ATP1B1: variants seen among roughly 807,000 people sequenced by gnomAD.
ATP1B1 encodes the protein sodium/potassium-transporting ATPase subunit beta-1.
In ATP1B1, 3 loss-of-function variants were observed where a neutral mutation model predicts 39.6. That is an observed-to-expected ratio of 0.08 (90% CI 0.03 to 0.20). ATP1B1 has a LOEUF of 0.20. Among genes scored for constraint, ATP1B1 ranks in the 10% least tolerant of loss-of-function variants. The pLI is 1.00. For missense variants in ATP1B1, 216 were observed against 371.1 expected, an observed-to-expected ratio of 0.58 and a Z score of 3.43; for synonymous variants, 139 against 135.0, an observed-to-expected ratio of 1.03 and a Z score of -0.20.
chr1:169,107,976 C>A (rs1415215067), intron 1 of ATP1B1: 2 of 151,782 alleles, frequency 1.3e-5, no homozygotes, highest in Non-Finnish European at 2.9e-5. Context: ...GAACAGAGGC[C>A]GATTGGTGTT....
intron 2 of ATP1B1, among the ~76,000 whole-genome samples, chr1:169,123,242 G>A (rs1658018568): frequency 1.3e-5 from 2 of 152,158 alleles, no homozygotes; most frequent in Non-Finnish European, 2.9e-5. Context: ...GCAGTTGTAA[G>A]CCAAGGGTGT....
chr1:169,121,701 CACTT>C (rs1176589258), intron 2 of ATP1B1, among the ~76,000 whole-genome samples: 2 of 152,178 alleles, frequency 1.3e-5, no homozygotes, highest in Non-Finnish European at 2.9e-5. Context: ...ATGTTTGTGA[CACTT>C]GCTTCGCAAT....
chr1:169,132,688 T>G lies in ATP1B1; in HGVS notation c.*1133T>G. On this transcript the variant is annotated 3_prime_UTR_variant, in exon 6 of 6. Coordinates refer to ENST00000367815, the MANE Select transcript of ATP1B1 (RefSeq NM_001677.4). ...CTTGTTGATCTTGTATTCAGTCAGG[T>G]TAAAACAACGGACAATAAAAGAATG... The G allele has an allele frequency of 8.4e-7, 1 of 1,189,598 alleles. No individual in the cohort carries two copies. Among genetic ancestry groups the G allele is most frequent in the Admixed American group, 1.9e-5 (1 of 52,636 alleles). The allele number at this position is 1,189,598 out of a possible 1,614,324, so 73.7% of individuals were successfully genotyped here.
intron 2 of ATP1B1, among the ~76,000 whole-genome samples, chr1:169,115,371 G>A (rs1414096063): frequency 6.8e-6 from 1 of 147,748 alleles, no homozygotes; most frequent in Non-Finnish European, 1.5e-5. Flanking sequence ...TTTTTCAAGA[G>A]GGAGTCTTCT....
In ATP1B1 at chr1:169,127,174, C is replaced by G. The variant is rs750793957; in HGVS notation, c.383-50C>G. 12 of 1,513,458 alleles carry G rather than the reference C, an allele frequency of 7.9e-6. No individual in the cohort carries two copies. The Admixed American group carries it at 2.7e-4, about 34-fold the overall frequency. The allele number at this position is 1,513,458 out of a possible 1,614,324, so 93.8% of individuals were successfully genotyped here. ...GGAAGACAGTTTCTTTTTCTTAGAA[C>G]TGCTAAGGGAATTGCTGGTACAATA... On this transcript the variant is annotated intron_variant, in intron 3 of 5. Transcript: ENST00000367815.
intron 3 of ATP1B1, among the ~76,000 whole-genome samples, chr1:169,126,835 T>G (rs1442946074): frequency 6.6e-6 from 1 of 152,234 alleles, no homozygotes; most frequent in Non-Finnish European, 1.5e-5. Flanking sequence ...ATAATATCCC[T>G]GTTACTGAGC....
chr1:169,119,508 A>G (rs576478652), intron 2 of ATP1B1, among the ~76,000 whole-genome samples: 1 of 152,296 alleles, frequency 6.6e-6, no homozygotes, highest in South Asian at 2.1e-4. Flanking sequence ...ATCCTTGTCC[A>G]GAGTCATAAC....
rs747870653 is a variant in ATP1B1 at position 169,106,843 on chromosome 1, A to G, written c.14A>G (p.Lys5Arg). MARG[K>R]AKEEGSWKKF... The stretch of plus-strand genomic sequence containing the variant: ...CCCGCCATCGCCATGGCCCGCGGGA[A>G]AGCCAAGGAGGAGGGCAGCTGGAAG... The change falls in exon 1 of 6, where the codon AAA becomes AGA. Residue 5 changes from lysine (K) to arginine (R), a missense_variant. Physicochemically the swap from Lys to Arg is conservative, Grantham distance 26. Transcript: ENST00000367815. 1 of 1,580,400 alleles carries G rather than the reference A, an allele frequency of 6.3e-7. No individual in the cohort carries two copies. Among genetic ancestry groups the G allele is most frequent in the Admixed American group, 1.8e-5 (1 of 56,512 alleles).
Position 169,108,152 on chromosome 1 carries a change from T to A in ATP1B1, c.97+1226T>A, listed in dbSNP as rs541407199. The A allele has an allele frequency of 4.6e-5, 7 of 152,288 alleles. No individual in the cohort carries two copies. In the East Asian group the frequency reaches 1.3e-3, roughly 29 times the overall value. The allele number at this position is 152,288 out of a possible 1,614,324, so 9.4% of individuals were successfully genotyped here. ...TGAAAATTAAAGGGTTAATAATGCATCACACTTCAAGGTTAGTCAAGGTGA... is the reference window on the plus strand; with the variant it reads ...TGAAAATTAAAGGGTTAATAATGCAACACACTTCAAGGTTAGTCAAGGTGA... On this transcript the variant is annotated intron_variant, in intron 1 of 5. Coordinates refer to ENST00000367815, the MANE Select transcript of ATP1B1 (RefSeq NM_001677.4).
chr1:169,117,130 A>G (rs1657865787), intron 2 of ATP1B1, among the ~76,000 whole-genome samples: 1 of 152,172 alleles, frequency 6.6e-6, no homozygotes, highest in Non-Finnish European at 1.5e-5. Flanking sequence ...CAGTTAGAAT[A>G]CACTGCTTTG....
intron 2 of ATP1B1, among the ~76,000 whole-genome samples, chr1:169,124,101 C>T (rs1658040352): frequency 6.6e-6 from 1 of 152,158 alleles, no homozygotes; most frequent in East Asian, 1.9e-4. Context: ...AACCATTGCT[C>T]CTGAGTAGTG....
intron 2 of ATP1B1, among the ~76,000 whole-genome samples, chr1:169,123,267 G>C (rs890462125): frequency 6.6e-6 from 1 of 152,012 alleles, no homozygotes; most frequent in African/African-American, 2.4e-5. Context: ...AGATCTTTTC[G>C]TACTTATTAA....
At chr1:169,110,263 C>G (rs192225104) in intron 1 of ATP1B1, among the ~76,000 whole-genome samples, 2 of 152,214 alleles carry the variant, frequency 1.3e-5, no homozygotes, top group Admixed American at 6.5e-5. Context: ...CCCCTCCTAC[C>G]ACATATACTT....
At chr1:169,128,170 C>T (rs1241312175) in intron 4 of ATP1B1, among the ~76,000 whole-genome samples, 1 of 152,178 alleles carries the variant, frequency 6.6e-6, no homozygotes, top group Non-Finnish European at 1.5e-5. Flanking sequence ...GCTGTCCTTT[C>T]CCCTTAAGCC....
chr1:169,123,907 G>C, intron 2 of ATP1B1, among the ~76,000 whole-genome samples: 1 of 152,296 alleles, frequency 6.6e-6, no homozygotes, highest in South Asian at 2.1e-4. Flanking sequence ...GATTATAGGC[G>C]TGAGCCACCA....
At chr1:169,118,514 T>C (rs1015343147) in intron 2 of ATP1B1, among the ~76,000 whole-genome samples, 1 of 152,168 alleles carries the variant, frequency 6.6e-6, no homozygotes, top group Non-Finnish European at 1.5e-5. Flanking sequence ...TTTCTGTGCC[T>C]CTCCCCTTAC....
intron 1 of ATP1B1, among the ~76,000 whole-genome samples, chr1:169,109,854 C>T (rs935998635): frequency 5.3e-5 from 8 of 151,972 alleles, no homozygotes; most frequent in Admixed American, 2.6e-4. Context: ...TCTTGCACCT[C>T]TTAGGAGCAT....
rs554469599 is a variant in ATP1B1, at chr1:169,115,417, T to C, written c.226+3919T>C. Among the ~76,000 whole-genome samples, 204 of 150,898 alleles carry C rather than the reference T, an allele frequency of 1.4e-3. 2 individuals are homozygous for C. The highest frequency in any genetic ancestry group is 4.7e-3 in the African/African-American group (193 of 41,110). ...AGGCTGGAGTGCAGTGGCATGATCT[T>C]GGCTCACTGCAACCTCTGCCCCCTG... is the stretch of plus-strand genomic sequence containing the variant. On this transcript the variant is annotated intron_variant, in intron 2 of 5. Coordinates refer to ENST00000367815, the MANE Select transcript of ATP1B1 (RefSeq NM_001677.4).
chr1:169,114,107 A>AC (rs1657786095), intron 2 of ATP1B1, among the ~76,000 whole-genome samples: 2 of 121,026 alleles, frequency 1.7e-5, no homozygotes. Flanking sequence ...CTCTTGGGCC[A>AC]CCCCTTATGG....
Sources: allele counts gnomAD v4.1 joint callset (sites outside exome capture counted in the v4.1 genomes callset), GRCh38; gene constraint gnomAD v4.1.1; transcripts MANE v1.5; gene names NCBI Gene and HGNC (gene_info 2026-07-23, HGNC 2026-07-21).